Variants in PRKD1 observed in about 807,000 individuals in gnomAD.
PRKD1 encodes protein kinase D1.
Under a neutral mutation model 95.9 loss-of-function variants are expected in PRKD1, and 63 were observed. The ratio of observed to expected loss-of-function variants is 0.66; its 90% CI spans 0.54 to 0.81. The LOEUF (loss-of-function observed/expected upper bound fraction) is 0.81, where lower values mean the gene tolerates loss of function less well. Ranked by LOEUF, PRKD1 falls within the 30% of genes least tolerant of loss-of-function variation. The pLI is 0.00. For synonymous variants in PRKD1, 425 were observed against 423.1 expected (o/e 1.00, Z -0.05); for missense variants, 1,048 against 1,165.3 (o/e 0.90, Z 1.47).
chr14:29,811,508 A>T (rs1384479826), intron 1 of PRKD1, among the ~76,000 whole-genome samples: 1 of 152,202 alleles, frequency 6.6e-6, no homozygotes, highest in Non-Finnish European at 1.5e-5. Context: ...TTCAGGAGTG[A>T]GAAGTTTGCC....
chr14:29,835,324 G>A, intron 1 of PRKD1, among the ~76,000 whole-genome samples: 1 of 152,096 alleles, frequency 6.6e-6, no homozygotes, highest in East Asian at 1.9e-4. Flanking sequence ...ACAATTGAAA[G>A]CCAAGTAACA....
At chr14:29,780,796 C>A (rs954710609) in intron 1 of PRKD1, among the ~76,000 whole-genome samples, 1 of 152,102 alleles carries the variant, frequency 6.6e-6, no homozygotes, top group South Asian at 2.1e-4. Context: ...TGGGTATATA[C>A]CCAAAGGATT....
At chr14:29,824,403 A>C (rs1891033509) in intron 1 of PRKD1, among the ~76,000 whole-genome samples, 1 of 152,148 alleles carries the variant, frequency 6.6e-6, no homozygotes, top group East Asian at 1.9e-4. Context: ...TTAACTTTTA[A>C]CTTTCCCATC....
intron 1 of PRKD1, among the ~76,000 whole-genome samples, chr14:29,861,462 T>C (rs1892705959): frequency 6.6e-6 from 1 of 152,200 alleles, no homozygotes; most frequent in Non-Finnish European, 1.5e-5. Context: ...ATGTGGTACA[T>C]GAGATATTCT....
chr14:29,593,233 G>T (rs1957459), intron 16 of PRKD1, among the ~76,000 whole-genome samples: 113,524 of 152,096 alleles, frequency 0.75, 42,734 homozygotes, highest in African/African-American at 0.79. Flanking sequence ...TCTTTCAACA[G>T]TTAATTAATT....
At chr14:29,643,230 TTA>T (rs200027715) in intron 4 of PRKD1, among the ~76,000 whole-genome samples, 2,324 of 152,212 alleles carry the variant, frequency 0.015, 26 homozygotes, top group Middle Eastern at 0.037. Flanking sequence ...ATTTGGCAAA[TTA>T]TATATGATGA....
In PRKD1 at chr14:29,773,695, A is replaced by T. The variant is rs561130188; in HGVS notation, c.265-48021T>A. On this transcript the variant is annotated intron_variant, in intron 1 of 17. Coordinates refer to ENST00000331968, the MANE Select transcript of PRKD1 (RefSeq NM_002742.3). ...GAAAAGAACACAGCAATTTAATCCA[A>T]GTTTTCTTTAGTTATGACCATTGCT... is the stretch of plus-strand genomic sequence containing the variant. Among the ~76,000 whole-genome samples, 146 of 152,262 alleles carry T rather than the reference A, an allele frequency of 9.6e-4. 1 individual carries two copies. In the South Asian group the frequency reaches 0.028, roughly 29 times the overall value.
At chr14:29,650,053 T>G (rs1268559931) in intron 4 of PRKD1, among the ~76,000 whole-genome samples, 1 of 152,090 alleles carries the variant, frequency 6.6e-6, no homozygotes, top group Admixed American at 6.6e-5. Context: ...AGCGAGCCAC[T>G]CTCGCCACTT....
At position 29,825,949 on chromosome 14, in the gene PRKD1, T is replaced by C. The variant is rs536832489; in HGVS notation, c.265-100275A>G. Among the ~76,000 whole-genome samples, 3 of 151,872 alleles carry C rather than the reference T, an allele frequency of 2.0e-5. No individual in the cohort carries two copies. The Admixed American group carries it at 2.0e-4, about 10-fold the overall frequency. Reference sequence around the variant, plus strand: ...AAACCAAGGCTTCTTGAGAGTACTATGCTAGGTCTTCATAGACAGGGGATT... The same window carrying C: ...AAACCAAGGCTTCTTGAGAGTACTACGCTAGGTCTTCATAGACAGGGGATT... On this transcript the variant is annotated intron_variant, in intron 1 of 17. Transcript: ENST00000331968.
intron 13 of PRKD1, among the ~76,000 whole-genome samples, chr14:29,600,475 A>C (rs1212219647): frequency 1.3e-5 from 2 of 152,158 alleles, no homozygotes; most frequent in Admixed American, 1.3e-4. Flanking sequence ...GTCCACTTAC[A>C]TGTGGATATT....
At chr14:29,617,008 A>G (rs1460190877) in intron 13 of PRKD1, among the ~76,000 whole-genome samples, 1 of 152,060 alleles carries the variant, frequency 6.6e-6, no homozygotes, top group Non-Finnish European at 1.5e-5. Context: ...TTGTGTCCAC[A>G]TGTACTCACT....
chr14:29,766,452 C>T (rs1293668055), intron 1 of PRKD1, among the ~76,000 whole-genome samples: 1 of 152,134 alleles, frequency 6.6e-6, no homozygotes, highest in African/African-American at 2.4e-5. Context: ...TTATAGACAG[C>T]ATTCTTACAG....
chr14:29,590,789 C>CATTT (rs1166314446), intron 16 of PRKD1, among the ~76,000 whole-genome samples: 2 of 151,956 alleles, frequency 1.3e-5, no homozygotes, highest in Non-Finnish European at 1.5e-5. Flanking sequence ...TCCTTTATTT[C>CATTT]ATTTATTTAT....
chr14:29,678,200 A>G (rs541746875), intron 2 of PRKD1, among the ~76,000 whole-genome samples: 2 of 152,272 alleles, frequency 1.3e-5, no homozygotes, highest in South Asian at 2.1e-4. Flanking sequence ...ATAAAACATC[A>G]TTAATTGCAT....
At chr14:29,885,124 TA>T (rs1220944588) in intron 1 of PRKD1, among the ~76,000 whole-genome samples, 17,860 of 130,970 alleles carry the variant, frequency 0.14, 1,139 homozygotes, top group Non-Finnish European at 0.15. Flanking sequence ...CTCCATCTTT[TA>T]AAAAAAAAAA....
At chr14:29,663,068 A>G (rs1253739716) in intron 4 of PRKD1, among the ~76,000 whole-genome samples, 1 of 146,536 alleles carries the variant, frequency 6.8e-6, no homozygotes, top group Non-Finnish European at 1.5e-5. Context: ...TATTTTATAT[A>G]TAATATATAT....
intron 1 of PRKD1, among the ~76,000 whole-genome samples, chr14:29,878,371 C>T (rs1387708420): frequency 2.8e-5 from 4 of 143,700 alleles, no homozygotes; most frequent in Non-Finnish European, 6.0e-5. Context: ...AACCTACACA[C>T]GGAATTACCA....
intron 1 of PRKD1, among the ~76,000 whole-genome samples, chr14:29,766,876 G>T (rs1041371513): frequency 6.6e-6 from 1 of 152,084 alleles, no homozygotes; most frequent in Non-Finnish European, 1.5e-5. Context: ...AGGCACTCTG[G>T]TGTCACTCAC....
intron 1 of PRKD1, among the ~76,000 whole-genome samples, chr14:29,850,939 A>G (rs371943543): frequency 1.3e-5 from 2 of 152,126 alleles, no homozygotes; most frequent in African/African-American, 4.8e-5. Flanking sequence ...CCCAGAAATA[A>G]AGCCACACAC....
Sources: allele counts gnomAD v4.1 joint callset (sites outside exome capture counted in the v4.1 genomes callset), GRCh38; gene constraint gnomAD v4.1.1; transcripts MANE v1.5; gene names NCBI Gene and HGNC (gene_info 2026-07-23, HGNC 2026-07-21).